The following ZCWPW1 variants were observed in gnomAD, a reference collection of about 807,000 sequenced individuals.
The protein encoded by ZCWPW1 is zinc finger CW-type and PWWP domain containing 1, also known as zinc finger CW-type PWWP domain protein 1.
Under a neutral mutation model 81.3 loss-of-function variants are expected in ZCWPW1, and 56 were observed. The ratio of observed to expected loss-of-function variants is 0.69; its 90% CI spans 0.56 to 0.86. The LOEUF (loss-of-function observed/expected upper bound fraction) is 0.86. Among genes scored for constraint, ZCWPW1 ranks in the 40% least tolerant of loss-of-function variants. The probability of loss-of-function intolerance (pLI) is 0.00; values close to 1 mark genes in which losing one functional copy is unlikely to be tolerated. For missense variants in ZCWPW1, 650 were observed against 769.8 expected (o/e 0.84, Z 1.84); for synonymous variants, 250 against 273.7 (o/e 0.91, Z 0.86).
intron 2 of ZCWPW1, among the ~76,000 whole-genome samples, chr7:100,423,540 C>G (rs954552550): frequency 6.6e-6 from 1 of 152,296 alleles, no homozygotes; most frequent in Admixed American, 6.5e-5. Context: ...TACCCTTCAG[C>G]ATTTTTCTCT....
intron 15 of ZCWPW1, 22 bp from the exon 16 acceptor site, chr7:100,402,598 TA>T: frequency 1.2e-6 from 2 of 1,611,962 alleles, no homozygotes; most frequent in Non-Finnish European, 1.7e-6. Context: ...AGAGAAAGTT[TA>T]AAAAAATGAT....
chr7:100,401,242 GC>G lies in ZCWPW1; in HGVS notation c.1721del (p.Gly574AlafsTer23). The G allele has an allele frequency of 6.2e-7, 1 of 1,614,186 alleles. No homozygotes were observed. The highest frequency in any genetic ancestry group is 1.7e-4 in the Middle Eastern group (1 of 6,050). On this transcript the variant is annotated frameshift_variant, in exon 18 of 18. Transcript: ENST00000684423. LOFTEE classifies it low-confidence loss of function (END_TRUNC). ...KEVRTVPKNL[G>X]LSACKGACPS... ...GGCAGGCCCCCTTACACGCTGATAG[GC>G]CCAGGTTCTTTGGCACTGTTCTAAC...
At chr7:100,419,265 C>CATCTGAAGGAGG in intron 4 of ZCWPW1, 76 bp from the exon 5 acceptor site, 1 of 1,291,384 alleles carries the variant, frequency 7.7e-7, no homozygotes, top group Non-Finnish European at 1.1e-6. Context: ...AGGGAAGCCT[C>CATCTGAAGGAGG]CTTCAGATGA....
intron 8 of ZCWPW1, among the ~76,000 whole-genome samples, chr7:100,415,762 T>C (rs1198386405): frequency 1.3e-5 from 2 of 152,208 alleles, no homozygotes; most frequent in Non-Finnish European, 2.9e-5. Context: ...ACATCTAAAA[T>C]GCTTTGTACA....
chr7:100,407,171 T>C, intron 11 of ZCWPW1, 57 bp downstream of exon 11: 1 of 1,509,750 alleles, frequency 6.6e-7, no homozygotes, highest in African/African-American at 1.4e-5. Flanking sequence ...TCTGTGAGGA[T>C]GGATTTGTTC....
intron 12 of ZCWPW1, 24 bp from the exon 13 acceptor site, chr7:100,405,117 T>G (rs757033345): frequency 1.9e-6 from 3 of 1,605,992 alleles, no homozygotes; most frequent in Non-Finnish European, 2.6e-6. Context: ...TTAGAGCCAA[T>G]GATAAATATT....
chr7:100,423,265 C>A (rs551070463), intron 2 of ZCWPW1, among the ~76,000 whole-genome samples: 50 of 152,172 alleles, frequency 3.3e-4, no homozygotes, highest in Non-Finnish European at 6.3e-4. Context: ...GATCTTGTTT[C>A]TGGCTGTTGG....
chr7:100,424,396 T>A (rs558585943), intron 2 of ZCWPW1, among the ~76,000 whole-genome samples: 8 of 152,288 alleles, frequency 5.3e-5, no homozygotes, highest in Admixed American at 2.6e-4. Context: ...AAGCTTTTGG[T>A]GGACTCCCTC....
chr7:100,408,794 GCA>G lies in ZCWPW1; in HGVS notation c.872-137_872-136del, dbSNP rs1358314947. On this transcript the variant is annotated intron_variant, in intron 9 of 17. Transcript: ENST00000684423. ...GACCAAAGGGGCACCTGGGAGATCA[GCA>G]CAGAGGAAGAATAAAGACCCATGGA... The G allele has an allele frequency of 1.3e-5, 13 of 1,021,850 alleles. No individual in the cohort carries two copies. The African/African-American group carries it at 1.7e-4, about 13-fold the overall frequency. 63.3% of individuals were successfully genotyped at this position (1,021,850 alleles called of 1,614,324 possible). A position where few individuals can be genotyped will look rare whatever the true frequency, so the allele number is the denominator to read the frequency against.
chr7:100,412,545 T>C (rs1794381339), intron 8 of ZCWPW1, among the ~76,000 whole-genome samples: 1 of 152,166 alleles, frequency 6.6e-6, no homozygotes, highest in East Asian at 1.9e-4. Context: ...CACTTTTCTC[T>C]TTCTCTATTT....
At chr7:100,427,697 T>TAA (rs549307225) in intron 1 of ZCWPW1, among the ~76,000 whole-genome samples, 3 of 109,936 alleles carry the variant, frequency 2.7e-5, no homozygotes, top group African/African-American at 3.4e-5. Context: ...AGACAGTCTT[T>TAA]AAAAAAAAAA....
At chr7:100,410,045 A>C (rs1050240151) in intron 8 of ZCWPW1, among the ~76,000 whole-genome samples, 2 of 152,206 alleles carry the variant, frequency 1.3e-5, no homozygotes, top group Non-Finnish European at 2.9e-5. Context: ...TAGGACCAAC[A>C]GTGTCTGAGT....
intron 2 of ZCWPW1, among the ~76,000 whole-genome samples, chr7:100,422,605 G>A (rs1489154269): frequency 6.6e-6 from 1 of 152,088 alleles, no homozygotes; most frequent in African/African-American, 2.4e-5. Flanking sequence ...TACATTCAAG[G>A]GGTACATGTG....
At chr7:100,406,660 T>A in intron 12 of ZCWPW1, 34 bp downstream of exon 12, 1 of 1,579,318 alleles carries the variant, frequency 6.3e-7, no homozygotes, top group Non-Finnish European at 8.7e-7. Context: ...TTTTGTTTTC[T>A]CTGTATCACA....
intron 1 of ZCWPW1, among the ~76,000 whole-genome samples, chr7:100,425,554 C>T (rs898266942): frequency 5.3e-5 from 8 of 152,194 alleles, no homozygotes; most frequent in Non-Finnish European, 1.2e-4. Context: ...CCTAACTCAG[C>T]AGTTCTAAGT....
At chr7:100,418,148 G>C (rs1035133684) in intron 5 of ZCWPW1, among the ~76,000 whole-genome samples, 3 of 152,148 alleles carry the variant, frequency 2.0e-5, no homozygotes, top group Admixed American at 6.5e-5. Context: ...GCCTCCCAAA[G>C]TGCTGGGATT....
intron 11 of ZCWPW1, 81 bp downstream of exon 11, chr7:100,407,147 C>G: frequency 3.0e-6 from 4 of 1,337,432 alleles, no homozygotes; most frequent in Non-Finnish European, 4.3e-6. Context: ...ATGTCCATGT[C>G]TCTTATCTGT....
At chr7:100,414,570 A>G (rs775681885) in intron 8 of ZCWPW1, among the ~76,000 whole-genome samples, 13 of 151,678 alleles carry the variant, frequency 8.6e-5, no homozygotes, top group African/African-American at 1.2e-4. Context: ...CACTACCACT[A>G]CATCCAGCTA....
At chr7:100,413,057 T>A (rs1794535654) in intron 8 of ZCWPW1, among the ~76,000 whole-genome samples, 1 of 152,164 alleles carries the variant, frequency 6.6e-6, no homozygotes, top group Non-Finnish European at 1.5e-5. Flanking sequence ...TCAGCCATCA[T>A]CTTAATCAAA....
Sources: gnomAD v4.1 joint callset for allele counts (sites outside exome capture counted in the v4.1 genomes callset) on GRCh38, gnomAD v4.1.1 for gene constraint, MANE v1.5 for transcripts, NCBI Gene and HGNC (gene_info 2026-07-23, HGNC 2026-07-21) for gene names.